VPS39: variants seen among roughly 807,000 people sequenced by gnomAD.
VPS39 encodes VPS39 subunit of HOPS complex.
Under a neutral mutation model 121.0 loss-of-function variants are expected in VPS39, and 70 were observed. That is an observed-to-expected ratio of 0.58 (90% confidence interval 0.48 to 0.71). The LOEUF (loss-of-function observed/expected upper bound fraction) is 0.71, where lower values mean the gene tolerates loss of function less well. Ranked by LOEUF, VPS39 falls within the 30% of genes least tolerant of loss-of-function variation. The pLI, the probability that VPS39 is intolerant of heterozygous loss-of-function variation, is 0.00. For synonymous variants in VPS39, 378 were observed against 398.1 expected, an observed-to-expected ratio of 0.95 and a Z score of 0.60; for missense variants, 818 against 1,051.5, an observed-to-expected ratio of 0.78 and a Z score of 3.07.
At chr15:42,198,365 A>AT (rs547873744) in intron 2 of VPS39, among the ~76,000 whole-genome samples, 4 of 151,882 alleles carry the variant, frequency 2.6e-5, no homozygotes, top group South Asian at 4.2e-4. Flanking sequence ...AAAAAAAGAA[A>AT]TTTTTTTTTG....
chr15:42,173,275 TACCTGCTC>T, intron 11 of VPS39, among the ~76,000 whole-genome samples: 1 of 152,180 alleles, frequency 6.6e-6, no homozygotes, highest in Non-Finnish European at 1.5e-5. Context: ...GACCCCAGGG[TACCTGCTC>T]CTCGCCACTA....
chr15:42,166,826 G>A lies in VPS39; in HGVS notation c.1465C>T (p.His489Tyr), dbSNP rs200628349. The change falls in exon 14 of 25, where the codon CAC (histidine) becomes TAC (tyrosine). Residue 489 changes from histidine (H) to tyrosine (Y), a missense_variant. Coordinates refer to ENST00000318006, the MANE Select transcript of VPS39 (RefSeq NM_015289.5). Reference protein sequence around the residue: ...EESEHVLKKAHKYSELIILYE... With the variant: ...EESEHVLKKAYKYSELIILYE... ...AGGATGATAAGCTCACTGTACTTGT[G>A]AGCCTTCTTTAGCACGTGCTCGCTC... 9.9e-6 allele frequency: 16 copies of A among 1,614,224 alleles called. No individual in the cohort carries two copies. The highest frequency in any genetic ancestry group is 6.7e-5 in the African/African-American group (5 of 75,056).
intron 12 of VPS39, among the ~76,000 whole-genome samples, chr15:42,168,009 G>A (rs2049278840): frequency 6.6e-6 from 1 of 152,226 alleles, no homozygotes; most frequent in African/African-American, 2.4e-5. Context: ...CCACCTCAGT[G>A]AAGGAAGATA....
At chr15:42,180,305 T>G (rs2049555799) in intron 8 of VPS39, among the ~76,000 whole-genome samples, 1 of 152,232 alleles carries the variant, frequency 6.6e-6, no homozygotes, top group Non-Finnish European at 1.5e-5. Context: ...CATCTATCCA[T>G]GACCCCAAAT....
chr15:42,204,387 C>A (rs1319558796), intron 1 of VPS39, among the ~76,000 whole-genome samples: 1 of 152,204 alleles, frequency 6.6e-6, no homozygotes, highest in Admixed American at 6.5e-5. Context: ...AAGTGGCTCA[C>A]GCCTGTAATC....
At chr15:42,166,712 A>G in intron 14 of VPS39, 60 bp downstream of exon 14, 1 of 1,613,978 alleles carries the variant, frequency 6.2e-7, no homozygotes, top group Non-Finnish European at 8.5e-7. Flanking sequence ...TCCATATCTC[A>G]GTGGGTTTCC....
Position 42,160,488 on chromosome 15 carries a change from C to T in VPS39, c.*266G>A. The T allele has an allele frequency of 4.3e-6, 2 of 468,996 alleles. No homozygotes were observed. Among genetic ancestry groups the T allele is most frequent in the East Asian group, 7.1e-5 (2 of 28,348 alleles). 29.1% of individuals were successfully genotyped at this position (468,996 alleles called of 1,614,324 possible). ...GTGCAAAGGCAAGATGGTGCACATC[C>T]TCCTGACCAAGCAGGTACTGAATTC... On this transcript the variant is annotated 3_prime_UTR_variant, in exon 25 of 25. Coordinates refer to ENST00000318006, the MANE Select transcript of VPS39 (RefSeq NM_015289.5).
chr15:42,196,335 C>G (rs2049937691), intron 2 of VPS39, among the ~76,000 whole-genome samples: 1 of 152,050 alleles, frequency 6.6e-6, no homozygotes. Context: ...TCTAATTAAA[C>G]TAAAGAGCTT....
At chr15:42,183,520 T>C (rs1374599331) in intron 8 of VPS39, among the ~76,000 whole-genome samples, 3 of 152,188 alleles carry the variant, frequency 2.0e-5, no homozygotes, top group African/African-American at 7.2e-5. Flanking sequence ...AGACCACCTG[T>C]ATCAAGTCAG....
chr15:42,174,887 C>A (rs533206128), intron 10 of VPS39, among the ~76,000 whole-genome samples: 3 of 151,344 alleles, frequency 2.0e-5, no homozygotes, highest in Admixed American at 1.3e-4. Context: ...GGCAGGAGAA[C>A]TGCTTGAACC....
chr15:42,188,920 C>T (rs188488051), intron 5 of VPS39, among the ~76,000 whole-genome samples, 194 bp downstream of exon 5: 755 of 151,896 alleles, frequency 5.0e-3, no homozygotes, highest in Non-Finnish European at 7.7e-3. Flanking sequence ...GAGCCGAGAT[C>T]GTGCCACTAC....
At chr15:42,163,223 A>T (rs1194686089) in intron 21 of VPS39, 127 bp downstream of exon 21, 1 of 1,158,006 alleles carries the variant, frequency 8.6e-7, no homozygotes. Flanking sequence ...CAATACACAC[A>T]TGCAAGATCA....
chr15:42,172,855 C>T (rs550034475), intron 11 of VPS39, among the ~76,000 whole-genome samples: 4 of 152,282 alleles, frequency 2.6e-5, no homozygotes, highest in East Asian at 1.9e-4. Context: ...TCTACTTAAA[C>T]GATCCAGAGT....
chr15:42,165,814 T>C lies in VPS39; in HGVS notation c.1683A>G (p.Ile561Met), dbSNP rs1182229261. 1.2e-6 allele frequency: 2 copies of C among 1,613,990 alleles called. No homozygotes were observed. Among genetic ancestry groups the C allele is most frequent in the Non-Finnish European group, 1.7e-6 (2 of 1,179,866 alleles). ...LRDFPEDGLK[I>M]FTEDLPEVES... ...CCACTTCCGGGAGATCTTCAGTAAA[T>C]ATCTGTTAGAATGAACCCGAGTTCC... Residue 561 changes from isoleucine to methionine, a missense_variant and splice_region_variant, in exon 17 of 25, where the codon ATA becomes ATG. Transcript: ENST00000318006.
chr15:42,172,766 A>G (rs2049372362), intron 11 of VPS39, among the ~76,000 whole-genome samples: 1 of 152,156 alleles, frequency 6.6e-6, no homozygotes, highest in Non-Finnish European at 1.5e-5. Flanking sequence ...TCCCCAGCCT[A>G]ATCTCCCATC....
At position 42,164,480 on chromosome 15, in the gene VPS39, G is replaced by C. The variant is rs1384994005; in HGVS notation, c.1904C>G (p.Thr635Ser). ...EYLLSFPAGK[T>S]PVPAGEEEGE... ...CTCTTCCTCTCCAGCTGGGACTGGG[G>C]TTTTGCCTTTAAGGGAAACCAAGCT... Residue 635 changes from threonine to serine, a missense_variant, in exon 19 of 25, where the codon ACC (threonine) becomes AGC (serine). Transcript: ENST00000318006. The C allele has an allele frequency of 6.2e-7, 1 of 1,614,052 alleles. No homozygotes were observed. Among genetic ancestry groups the C allele is most frequent in the Non-Finnish European group, 8.5e-7 (1 of 1,180,002 alleles).
At chr15:42,194,936 G>GAAAAAAA (rs201505332) in intron 2 of VPS39, among the ~76,000 whole-genome samples, 1 of 128,608 alleles carries the variant, frequency 7.8e-6, no homozygotes. Flanking sequence ...TCAATACAGT[G>GAAAAAAA]AAAAAAAAAA....
intron 4 of VPS39, among the ~76,000 whole-genome samples, chr15:42,190,818 T>C (rs1394896728): frequency 2.0e-5 from 3 of 152,232 alleles, no homozygotes; most frequent in African/African-American, 7.2e-5. Context: ...AATGTAAGTC[T>C]CAAAGATAGC....
At position 42,183,177 on chromosome 15, in the gene VPS39, C is replaced by T. The variant is rs563490912; in HGVS notation, c.718+1340G>A. Among the ~76,000 whole-genome samples the T allele has an allele frequency of 9.9e-5, 15 of 151,804 alleles. No individual in the cohort carries two copies. In the South Asian group the frequency reaches 1.0e-3, roughly 11 times the overall value. ...GTGCAGTGGCACAATCTCGGCTCACCGCAACTTCCCCCTCCCTTCAAGCAG... is the reference window on the plus strand; with the variant it reads ...GTGCAGTGGCACAATCTCGGCTCACTGCAACTTCCCCCTCCCTTCAAGCAG... On this transcript the variant is annotated intron_variant, in intron 8 of 24. Transcript: ENST00000318006.
Sources: allele counts gnomAD v4.1 joint callset (sites outside exome capture counted in the v4.1 genomes callset), GRCh38; gene constraint gnomAD v4.1.1; transcripts MANE v1.5; gene names NCBI Gene and HGNC (gene_info 2026-07-23, HGNC 2026-07-21).